The following SPRY3 variants were observed in gnomAD, a reference collection of about 807,000 sequenced individuals.
The protein encoded by SPRY3 is protein sprouty homolog 3.
In SPRY3, 15 loss-of-function variants were observed where a neutral mutation model predicts 20.2. The ratio of observed to expected loss-of-function variants is 0.74; its 90% confidence interval spans 0.50 to 1.14. SPRY3 has a LOEUF of 1.14. Ranked by LOEUF, SPRY3 falls within the 50% of genes most tolerant of loss-of-function variation. The pLI, the probability that SPRY3 is intolerant of heterozygous loss-of-function variation, is 0.00. For synonymous variants in SPRY3, 143 were observed against 136.5 expected, an observed-to-expected ratio of 1.05 and a Z score of -0.33; for missense variants, 364 against 363.9, an observed-to-expected ratio of 1.00 and a Z score of 0.00.
intron 1 of SPRY3, among the ~76,000 whole-genome samples, chrX:155,628,849 C>T (rs1163202718): frequency 9.0e-6 from 1 of 111,699 alleles, no homozygotes; most frequent in Non-Finnish European, 1.9e-5. Flanking sequence ...AGGAATGAGG[C>T]AATATCTCAT....
intron 2 of SPRY3, among the ~76,000 whole-genome samples, chrX:155,759,270 C>A (rs1176780460): frequency 6.6e-6 from 1 of 152,016 alleles, no homozygotes; most frequent in East Asian, 1.9e-4. Context: ...GTGATCCACC[C>A]ACCTCGACCT....
At chrX:155,681,198 G>T (rs182378404) in intron 2 of SPRY3, among the ~76,000 whole-genome samples, 1 of 111,199 alleles carries the variant, frequency 9.0e-6, no homozygotes, top group East Asian at 2.8e-4. Context: ...TCATGGGGGC[G>T]GTTTCCCCCA....
intron 2 of SPRY3, among the ~76,000 whole-genome samples, chrX:155,672,018 G>A (rs782426919): frequency 9.0e-6 from 1 of 111,103 alleles, no homozygotes; most frequent in African/African-American, 3.3e-5. Flanking sequence ...CTCTGTTTTG[G>A]TACCAGTACC....
At chrX:155,770,446 T>C (rs2091373747) in intron 3 of SPRY3, among the ~76,000 whole-genome samples, 1 of 152,146 alleles carries the variant, frequency 6.6e-6, no homozygotes, top group Admixed American at 6.5e-5. Flanking sequence ...AATTCAGGGC[T>C]ACAGAAAAAC....
chrX:155,749,146 T>C (rs3909635), intron 2 of SPRY3, among the ~76,000 whole-genome samples: 67,564 of 151,706 alleles, frequency 0.45, 15,188 homozygotes, highest in Middle Eastern at 0.57. Context: ...AAGGAAGTAA[T>C]CAGAGTTCTT....
At chrX:155,751,928 TAAAATAA>T (rs987772410) in intron 2 of SPRY3, among the ~76,000 whole-genome samples, 4 of 21,960 alleles carry the variant, frequency 1.8e-4, no homozygotes, top group East Asian at 1.5e-3. Context: ...GGAAGGGAAA[TAAAATAA>T]AATAAAATAA....
intron 2 of SPRY3, among the ~76,000 whole-genome samples, chrX:155,748,131 A>C (rs1176540876): frequency 1.3e-5 from 2 of 151,856 alleles, no homozygotes; most frequent in Non-Finnish European, 2.9e-5. Context: ...AGTATGGTTC[A>C]AGTGACATGC....
At chrX:155,649,161 C>G (rs1557352129) in intron 1 of SPRY3, among the ~76,000 whole-genome samples, 1 of 111,491 alleles carries the variant, frequency 9.0e-6, no homozygotes, top group African/African-American at 3.3e-5. Flanking sequence ...CAGGACCAGA[C>G]AGATTCACAG....
intron 2 of SPRY3, 128 bp from the exon 2 acceptor site, chrX:155,767,834 A>AT (rs927912712): frequency 1.6e-4 from 24 of 152,334 alleles, no homozygotes; most frequent in African/African-American, 5.8e-4. Flanking sequence ...GTCCATCAAG[A>AT]TTTAGATCTG....
At chrX:155,754,678 G>A (rs754738574) in intron 2 of SPRY3, among the ~76,000 whole-genome samples, 1 of 151,936 alleles carries the variant, frequency 6.6e-6, no homozygotes, top group Non-Finnish European at 1.5e-5. Flanking sequence ...GATCACTTTG[G>A]AGAGTATTTC....
intron 2 of SPRY3, among the ~76,000 whole-genome samples, chrX:155,678,101 A>G (rs1336378964): frequency 9.0e-6 from 1 of 111,409 alleles, no homozygotes; most frequent in Admixed American, 9.5e-5. Context: ...TTCTGGGGGT[A>G]TCTCAGTACT....
At chrX:155,758,042 T>G (rs1193462247) in intron 2 of SPRY3, among the ~76,000 whole-genome samples, 2 of 152,216 alleles carry the variant, frequency 1.3e-5, no homozygotes, top group Non-Finnish European at 2.9e-5. Flanking sequence ...CTCTTCAGTA[T>G]TAGGCCATTT....
chrX:155,760,793 A>G (rs896267055), intron 2 of SPRY3, among the ~76,000 whole-genome samples: 2 of 152,048 alleles, frequency 1.3e-5, no homozygotes, highest in African/African-American at 4.8e-5. Context: ...GGTGGAGCTC[A>G]GGTAGTCATG....
downstream of SPRY3, chrX:155,780,167 C>T (rs700448): frequency 1 from 167,159 of 167,160 alleles, 83,579 homozygotes; most frequent in Middle Eastern, 1. Context: ...TAATTCTAAC[C>T]CACACATTGT....
intron 2 of SPRY3, among the ~76,000 whole-genome samples, chrX:155,761,748 A>G (rs1429558082): frequency 6.7e-6 from 1 of 148,516 alleles, no homozygotes; most frequent in Non-Finnish European, 1.5e-5. Flanking sequence ...AATAGTAGCC[A>G]TTCTGACTGG....
intron 2 of SPRY3, among the ~76,000 whole-genome samples, chrX:155,725,796 G>C (rs1424358681): frequency 6.6e-6 from 1 of 151,874 alleles, no homozygotes; most frequent in East Asian, 1.9e-4. Context: ...TTTTTTGAAG[G>C]GTTTTTTGTT....
exon 4 of SPRY3, chrX:155,773,799 A>G: frequency 6.6e-7 from 1 of 1,524,592 alleles, no homozygotes; most frequent in South Asian, 1.3e-5. Flanking sequence ...CCATGTAACT[A>G]CAAGGGCTCC....
At chrX:155,698,417 T>A (rs756202834) in intron 2 of SPRY3, among the ~76,000 whole-genome samples, 2 of 111,969 alleles carry the variant, frequency 1.8e-5, no homozygotes, top group East Asian at 5.6e-4. Context: ...CATCTCTTAG[T>A]TCTTCCTTCT....
At chrX:155,670,721 T>G (rs1382025501) in intron 2 of SPRY3, among the ~76,000 whole-genome samples, 3 of 112,145 alleles carry the variant, frequency 2.7e-5, no homozygotes, top group Non-Finnish European at 3.8e-5. Flanking sequence ...TTCATCTGAC[T>G]TCATAACAAT....
Sources: gnomAD v4.1 joint callset for allele counts (sites outside exome capture counted in the v4.1 genomes callset) on GRCh38, gnomAD v4.1.1 for gene constraint, MANE v1.5 for transcripts, NCBI Gene and HGNC (gene_info 2026-07-23, HGNC 2026-07-21) for gene names.